The following REV1 variants were observed in gnomAD, a reference collection of about 807,000 sequenced individuals.
REV1 encodes translesion synthesis protein REV1.
A neutral mutation model predicts 137.4 loss-of-function variants in REV1; 42 were observed. The observed-to-expected ratio is 0.31, with a 90% CI of 0.24 to 0.40. The LOEUF is 0.40. Ranked by LOEUF, REV1 falls within the 10% of genes least tolerant of loss-of-function variation. The probability of loss-of-function intolerance (pLI) is 1.00; values close to 1 mark genes in which losing one functional copy is unlikely to be tolerated. For missense variants in REV1, 1,282 were observed against 1,490.1 expected, an observed-to-expected ratio of 0.86 and a Z score of 2.30; for synonymous variants, 524 against 519.2, an observed-to-expected ratio of 1.01 and a Z score of -0.12.
At position 99,476,296 on chromosome 2, in the gene REV1, G is replaced by A. The variant is rs1041688540; in HGVS notation, c.-10-11311C>T. Among the ~76,000 whole-genome samples, 5 of 152,066 alleles carry A rather than the reference G, an allele frequency of 3.3e-5. No individual in the cohort carries two copies. In the South Asian group the frequency reaches 6.2e-4, roughly 19 times the overall value. ...CCACCTTATGGGAGCAGTGACTCAC[G>A]CCTGTAATCCCAACACTTTAGGAGG... is the stretch of plus-strand genomic sequence containing the variant. On this transcript the variant is annotated intron_variant, in intron 1 of 22. Coordinates refer to ENST00000258428, the MANE Select transcript of REV1 (RefSeq NM_016316.4).
At chr2:99,404,098 T>C (rs541083754) in intron 18 of REV1, among the ~76,000 whole-genome samples, 11 of 152,286 alleles carry the variant, frequency 7.2e-5, no homozygotes, top group Non-Finnish European at 1.0e-4. Context: ...AAGCAAAACA[T>C]TGAAACAGGG....
intron 19 of REV1, 169 bp downstream of exon 19, chr2:99,403,526 G>T: frequency 1.2e-6 from 1 of 845,396 alleles, no homozygotes; most frequent in Non-Finnish European, 1.8e-6. Flanking sequence ...AATCCAACTA[G>T]AAATATGATG....
intron 4 of REV1, among the ~76,000 whole-genome samples, chr2:99,444,372 G>A (rs1006992210): frequency 7.9e-5 from 12 of 152,184 alleles, no homozygotes; most frequent in African/African-American, 2.9e-4. Context: ...GGAACAAAAC[G>A]CCCTATGATC....
intron 1 of REV1, among the ~76,000 whole-genome samples, chr2:99,467,681 A>G (rs753275542): frequency 1.3e-4 from 20 of 152,224 alleles, no homozygotes; most frequent in Non-Finnish European, 2.5e-4. Context: ...TATGAGTAAC[A>G]AGAAATTGGA....
intron 3 of REV1, among the ~76,000 whole-genome samples, chr2:99,455,031 T>C (rs1683387808): frequency 6.6e-6 from 1 of 152,256 alleles, no homozygotes; most frequent in Admixed American, 6.5e-5. Context: ...TTTGCTCATC[T>C]GGTTAAAACA....
intron 5 of REV1, among the ~76,000 whole-genome samples, chr2:99,440,896 C>T (rs2104844783): frequency 6.6e-6 from 1 of 152,248 alleles, no homozygotes; most frequent in Non-Finnish European, 1.5e-5. Flanking sequence ...TGTTAACATA[C>T]ATTCTTGCTG....
chr2:99,426,493 A>C (rs1056663113), intron 9 of REV1, among the ~76,000 whole-genome samples: 1 of 152,206 alleles, frequency 6.6e-6, no homozygotes, highest in Non-Finnish European at 1.5e-5. Context: ...TTATGTACTC[A>C]TGTAAAATGT....
At chr2:99,454,550 C>CAAAAAAAAAAAAAAAAAAAAAAAAAAA (rs373850478) in intron 3 of REV1, among the ~76,000 whole-genome samples, 1 of 82,346 alleles carries the variant, frequency 1.2e-5, no homozygotes, top group African/African-American at 4.9e-5. Flanking sequence ...AACTCCAGCT[C>CAAAAAAAAAAAAAAAAAAAAAAAAAAA]AAAAAAAAAA....
At chr2:99,485,105 G>C (rs561497604) in intron 1 of REV1, among the ~76,000 whole-genome samples, 3 of 152,148 alleles carry the variant, frequency 2.0e-5, no homozygotes, top group Non-Finnish European at 4.4e-5. Flanking sequence ...CCTATTACTT[G>C]TTAAAGTTCA....
intron 3 of REV1, among the ~76,000 whole-genome samples, chr2:99,453,779 G>A (rs1005010949): frequency 1.3e-5 from 2 of 150,456 alleles, no homozygotes; most frequent in African/African-American, 4.9e-5. Context: ...TGTAGTCCCA[G>A]CTACTCAGGA....
chr2:99,402,562 G>T, intron 21 of REV1, 82 bp downstream of exon 21: 1 of 1,342,298 alleles, frequency 7.4e-7, no homozygotes, highest in Non-Finnish European at 1.0e-6. Context: ...GGTTAAATCT[G>T]CATAGTTTAG....
chr2:99,450,607 T>C (rs1409127576), intron 3 of REV1, among the ~76,000 whole-genome samples: 2 of 152,198 alleles, frequency 1.3e-5, no homozygotes, highest in African/African-American at 2.4e-5. Context: ...AAATTTGACA[T>C]TACTGATTAC....
intron 1 of REV1, among the ~76,000 whole-genome samples, chr2:99,482,407 C>G (rs181262731): frequency 1.4e-4 from 22 of 152,150 alleles, no homozygotes; most frequent in African/African-American, 5.1e-4. Context: ...AATTATCAAA[C>G]GTGAGGTGTA....
intron 12 of REV1, 104 bp from the exon 13 acceptor site, chr2:99,413,055 A>G: frequency 1.2e-6 from 1 of 834,500 alleles, no homozygotes; most frequent in South Asian, 1.7e-5. Flanking sequence ...GTTTAAAATA[A>G]TCTTTAAAGT....
chr2:99,441,101 TAAGAAAAGAAAGCTA>T (rs531219645), intron 5 of REV1, among the ~76,000 whole-genome samples: 1 of 149,894 alleles, frequency 6.7e-6, no homozygotes, highest in East Asian at 1.9e-4. Flanking sequence ...TTAATGTGGG[TAAGAAAAGAAAGCTA>T]AAGCTACGTA....
intron 2 of REV1, among the ~76,000 whole-genome samples, chr2:99,463,045 G>A (rs1008831749): frequency 6.6e-5 from 10 of 151,248 alleles, no homozygotes; most frequent in African/African-American, 1.7e-4. Context: ...GTGAGATGGC[G>A]CCACTGCACT....
At chr2:99,458,108 A>T (rs896054682) in intron 3 of REV1, among the ~76,000 whole-genome samples, 2 of 152,214 alleles carry the variant, frequency 1.3e-5, no homozygotes, top group African/African-American at 4.8e-5. Context: ...ATCAGATCTC[A>T]TCAAAATTAA....
At chr2:99,455,429 C>T (rs1161747852) in intron 3 of REV1, among the ~76,000 whole-genome samples, 2 of 152,158 alleles carry the variant, frequency 1.3e-5, no homozygotes, top group East Asian at 3.8e-4. Context: ...ACAGAGTCAC[C>T]ACAATCAACT....
At chr2:99,478,195 C>G (rs1299826323) in intron 1 of REV1, among the ~76,000 whole-genome samples, 1 of 152,144 alleles carries the variant, frequency 6.6e-6, no homozygotes. Context: ...TGAGATCACA[C>G]CACTGCACTG....
Sources: allele counts gnomAD v4.1 joint callset (sites outside exome capture counted in the v4.1 genomes callset), GRCh38; gene constraint gnomAD v4.1.1; transcripts MANE v1.5; gene names NCBI Gene and HGNC (gene_info 2026-07-23, HGNC 2026-07-21).